C2CD5: variants seen among roughly 807,000 people sequenced by gnomAD.
C2CD5 encodes C2 domain-containing protein 5.
C2CD5 carries 109 observed loss-of-function variants against 130.3 expected under a neutral mutation model. That is an observed-to-expected ratio of 0.84 (90% CI 0.72 to 0.98). The LOEUF (loss-of-function observed/expected upper bound fraction) is 0.98. Ranked by LOEUF, C2CD5 falls within the 50% of genes least tolerant of loss-of-function variation. C2CD5 has a pLI of 0.00. For missense variants in C2CD5, 996 were observed against 1,261.8 expected (o/e 0.79, Z 3.19); for synonymous variants, 454 against 429.2 (o/e 1.06, Z -0.71).
chr12:22,533,806 A>G (rs1444870792), intron 3 of C2CD5, among the ~76,000 whole-genome samples: 3 of 152,214 alleles, frequency 2.0e-5, no homozygotes, highest in African/African-American at 4.8e-5. Context: ...CTCTATGTGG[A>G]CTACCAATCA....
At chr12:22,454,360 C>T (rs1408509920) in intron 25 of C2CD5, among the ~76,000 whole-genome samples, 2 of 152,084 alleles carry the variant, frequency 1.3e-5, no homozygotes, top group East Asian at 1.9e-4. Flanking sequence ...ATTGTGCCTC[C>T]ACCTTCAACA....
At chr12:22,542,060 A>G (rs1952442869) in intron 2 of C2CD5, among the ~76,000 whole-genome samples, 1 of 152,188 alleles carries the variant, frequency 6.6e-6, no homozygotes, top group South Asian at 2.1e-4. Context: ...ATGTCCCACA[A>G]ATCTTTCTGT....
At chr12:22,509,288 A>G (rs1565757201) in intron 9 of C2CD5, among the ~76,000 whole-genome samples, 1 of 152,250 alleles carries the variant, frequency 6.6e-6, no homozygotes, top group African/African-American at 2.4e-5. Flanking sequence ...ATTATGTATT[A>G]GAAAATATTT....
chr12:22,467,394 C>T (rs961539926), intron 22 of C2CD5, among the ~76,000 whole-genome samples: 1 of 152,078 alleles, frequency 6.6e-6, no homozygotes, highest in Non-Finnish European at 1.5e-5. Context: ...CTGCTTCGGC[C>T]TCCCAAAGTG....
intron 17 of C2CD5, 41 bp from the exon 18 acceptor site, chr12:22,472,388 C>A (rs749283585): frequency 2.0e-6 from 2 of 1,016,660 alleles, no homozygotes; most frequent in African/African-American, 1.6e-5. Context: ...GATAATATTT[C>A]ATTGATTTTT....
intron 16 of C2CD5, among the ~76,000 whole-genome samples, chr12:22,473,641 C>T (rs2136202526): frequency 6.6e-6 from 1 of 152,160 alleles, no homozygotes; most frequent in Middle Eastern, 3.4e-3. Flanking sequence ...TCAATAATGC[C>T]CTAGATCAAA....
At chr12:22,490,999 A>C (rs775619643) in intron 11 of C2CD5, among the ~76,000 whole-genome samples, 14 of 152,224 alleles carry the variant, frequency 9.2e-5, no homozygotes, top group Admixed American at 1.3e-4. Flanking sequence ...GACCAGGCTT[A>C]AAGTGTAGGT....
chr12:22,451,563 G>A (rs1284858432), intron 26 of C2CD5, among the ~76,000 whole-genome samples: 3 of 152,000 alleles, frequency 2.0e-5, no homozygotes, highest in Non-Finnish European at 4.4e-5. Flanking sequence ...GACGACTGGT[G>A]GTGGAAAATC....
intron 15 of C2CD5, chr12:22,477,930 T>C (rs1944091731): frequency 5.6e-6 from 1 of 178,858 alleles, no homozygotes; most frequent in African/African-American, 2.4e-5. Flanking sequence ...ATAGGAACTT[T>C]TCTAGGCAAT....
intron 21 of C2CD5, among the ~76,000 whole-genome samples, chr12:22,470,165 C>T (rs891772330): frequency 3.3e-5 from 5 of 152,100 alleles, no homozygotes; most frequent in African/African-American, 1.2e-4. Context: ...AACACATAAT[C>T]ATTTAATACA....
chr12:22,500,328 G>A (rs1947601601), intron 10 of C2CD5, among the ~76,000 whole-genome samples: 1 of 151,886 alleles, frequency 6.6e-6, no homozygotes, highest in Admixed American at 6.6e-5. Flanking sequence ...AAGTAACTAT[G>A]TAAACATCAT....
chr12:22,523,699 TAAAAA>T, intron 6 of C2CD5, 75 bp from the exon 7 acceptor site: 11 of 752,238 alleles, frequency 1.5e-5, no homozygotes, highest in Admixed American at 3.2e-5. Context: ...ATGGTAGTGG[TAAAAA>T]AAAAAAAAAA....
chr12:22,458,517 CT>C lies in C2CD5; in HGVS notation c.2652del (p.Ala885LeufsTer4). 7.7e-7 allele frequency: 1 copy of C among 1,303,922 alleles called. No individual in the cohort carries two copies. The highest frequency in any genetic ancestry group is 2.5e-5 in the South Asian group (1 of 39,968). 80.8% of individuals were successfully genotyped at this position (1,303,922 alleles called of 1,614,324 possible). A position where few individuals can be genotyped will look rare whatever the true frequency, so the allele number is the denominator to read the frequency against. On this transcript the variant is annotated frameshift_variant, in exon 24 of 27. Coordinates refer to ENST00000446597, the MANE Select transcript of C2CD5 (RefSeq NM_001286176.2). LOFTEE classifies it high-confidence loss of function. ...ATTGATCCACGCCTTATGGTCTGAG[CT>C]TTCAGTTTAATGAGCTCTATCCAGC... ...CSSWIELIKL[K>X]AQTIRRGSIK... is the part of the protein sequence containing the mutation.
intron 14 of C2CD5, among the ~76,000 whole-genome samples, chr12:22,480,219 TCAGAGAGGC>T (rs1944507836): frequency 6.6e-6 from 1 of 152,232 alleles, no homozygotes; most frequent in African/African-American, 2.4e-5. Context: ...GACTCTGGCA[TCAGAGAGGC>T]CTGATTTGAA....
intron 3 of C2CD5, among the ~76,000 whole-genome samples, chr12:22,528,140 A>T (rs1950892651): frequency 6.6e-6 from 1 of 152,192 alleles, no homozygotes; most frequent in South Asian, 2.1e-4. Flanking sequence ...CAACAAAAAA[A>T]TTTAAATCTC....
chr12:22,504,955 C>CG (rs1009505271), intron 10 of C2CD5, among the ~76,000 whole-genome samples: 11 of 150,992 alleles, frequency 7.3e-5, no homozygotes, highest in Admixed American at 6.6e-4. Context: ...AAATAAGAAA[C>CG]GGGGGGAAAA....
At chr12:22,452,407 T>A (rs1487962795) in intron 26 of C2CD5, among the ~76,000 whole-genome samples, 1 of 152,016 alleles carries the variant, frequency 6.6e-6, no homozygotes, top group African/African-American at 2.4e-5. Flanking sequence ...ATCTTTCTTC[T>A]CCCCATGTAC....
At chr12:22,541,747 C>A (rs1823541238) in intron 2 of C2CD5, among the ~76,000 whole-genome samples, 1 of 152,160 alleles carries the variant, frequency 6.6e-6, no homozygotes, top group African/African-American at 2.4e-5. Flanking sequence ...CCCTGTTGTT[C>A]TCTTTCTATT....
At position 22,484,869 on chromosome 12, in the gene C2CD5, T is replaced by C. The variant is rs1324604929; in HGVS notation, c.1378A>G (p.Thr460Ala). The change falls in exon 13 of 27, where the codon ACA (threonine) becomes GCA (alanine). Residue 460 changes from threonine (T) to alanine (A), a missense_variant. By Grantham distance (58) the Thr-to-Ala change is moderately conservative. This residue lies in a region of C2CD5 where 590 missense variants were observed against 631.4 expected (regional missense o/e 0.93). Transcript: ENST00000446597. ...LEQRLEENLP[T>A]RCGFCHIPYD... ...GGTATATGACAAAATCCACAACGTG[T>C]AGGCAAATTTTCTTCAAGCCTATAT... The C allele has an allele frequency of 1.3e-6, 2 of 1,542,592 alleles. No individual in the cohort carries two copies. The highest frequency in any genetic ancestry group is 2.3e-5 in the East Asian group (1 of 43,038).
Sources: gnomAD v4.1 joint callset for allele counts (sites outside exome capture counted in the v4.1 genomes callset) on GRCh38, gnomAD v4.1.1 for gene constraint, gnomAD v4.1.1 regional missense constraint, MANE v1.5 for transcripts, NCBI Gene and HGNC (gene_info 2026-07-23, HGNC 2026-07-21) for gene names.